Variants in MAML2 observed in about 807,000 individuals in gnomAD.
MAML2 encodes mastermind-like protein 2.
In MAML2, 22 loss-of-function variants were observed where a neutral mutation model predicts 96.1. The ratio of observed to expected loss-of-function variants is 0.23; its 90% CI spans 0.16 to 0.33. MAML2 has a LOEUF of 0.33. MAML2 is among the 10% of genes least tolerant of loss of function. The pLI, the probability that MAML2 is intolerant of heterozygous loss-of-function variation, is 1.00. For missense variants in MAML2, 1,367 were observed against 1,392.4 expected (o/e 0.98, Z 0.29); for synonymous variants, 561 against 521.3 (o/e 1.08, Z -1.04).
In MAML2 at chr11:96,093,097, C is replaced by T. The variant is rs758109905; in HGVS notation, c.934G>A (p.Glu312Lys). The change falls in exon 2 of 5, where the codon GAA becomes AAA. Residue 312 changes from glutamate to lysine, a missense_variant. By Grantham distance (56) the Glu-to-Lys change is moderately conservative. Coordinates refer to ENST00000524717, the MANE Select transcript of MAML2 (RefSeq NM_032427.4). ...GGAGGCACAGATATGTTGGTCAGTT[C>T]ATTGAACAGTTCCTGCAGCTCAGGA... ...MDPELQELFNELTNISVPPMS... is the reference protein window; with the variant it reads ...MDPELQELFNKLTNISVPPMS... 6.2e-7 allele frequency: 1 copy of T among 1,614,002 alleles called. No homozygotes were observed. Among genetic ancestry groups the T allele is most frequent in the South Asian group, 1.1e-5 (1 of 91,058 alleles).
Position 95,978,051 on chromosome 11 carries a change from G to A in MAML2, c.*897C>T, listed in dbSNP as rs189353845. On this transcript the variant is annotated 3_prime_UTR_variant, in exon 5 of 5. Transcript: ENST00000524717. ...CGAGGTTCAATTTCACTCAGCTTGG[G>A]AACAAACCAGCAGGCATCAATCATA... The A allele has an allele frequency of 1.4e-5, 3 of 218,666 alleles. No homozygotes were observed. In the Admixed American group the frequency reaches 1.7e-4, roughly 13 times the overall value. 13.5% of individuals were successfully genotyped at this position (218,666 alleles called of 1,614,324 possible). A position where few individuals can be genotyped will look rare whatever the true frequency, so the allele number is the denominator to read the frequency against.
chr11:96,098,473 T>G (rs1859870258), intron 1 of MAML2, among the ~76,000 whole-genome samples: 1 of 152,234 alleles, frequency 6.6e-6, no homozygotes, highest in African/African-American at 2.4e-5. Flanking sequence ...TTACGTTTAA[T>G]TCATGAGACT....
intron 1 of MAML2, among the ~76,000 whole-genome samples, chr11:96,255,691 C>T (rs1240994100): frequency 6.6e-6 from 1 of 152,100 alleles, no homozygotes; most frequent in Non-Finnish European, 1.5e-5. Context: ...GTGCCTGGGG[C>T]TGCAGCCGCC....
intron 1 of MAML2, among the ~76,000 whole-genome samples, chr11:96,161,024 A>G (rs1427813497): frequency 6.6e-6 from 1 of 152,230 alleles, no homozygotes; most frequent in Non-Finnish European, 1.5e-5. Flanking sequence ...CTTTCCCTGA[A>G]TATCAGTGAC....
intron 1 of MAML2, among the ~76,000 whole-genome samples, chr11:96,173,604 C>T (rs776695036): frequency 2.0e-5 from 3 of 152,126 alleles, no homozygotes; most frequent in African/African-American, 4.8e-5. Context: ...CAGAATAACT[C>T]GTAAGAGGAA....
intron 3 of MAML2, among the ~76,000 whole-genome samples, chr11:95,988,419 C>T (rs1466202693): frequency 6.6e-6 from 1 of 151,286 alleles, no homozygotes; most frequent in African/African-American, 2.4e-5. Context: ...CCATCATGCC[C>T]AGCTAATTTT....
intron 1 of MAML2, among the ~76,000 whole-genome samples, chr11:96,112,218 A>G (rs1425426771): frequency 1.3e-5 from 2 of 152,282 alleles, no homozygotes; most frequent in African/African-American, 4.8e-5. Context: ...CCAACCAAAC[A>G]ATTTCATAGT....
chr11:96,166,191 A>T (rs1246805165), intron 1 of MAML2, among the ~76,000 whole-genome samples: 8 of 150,610 alleles, frequency 5.3e-5, no homozygotes, highest in Non-Finnish European at 1.2e-4. Flanking sequence ...ACACACACAC[A>T]CACACACACA....
intron 1 of MAML2, among the ~76,000 whole-genome samples, chr11:96,226,686 A>G (rs511944): frequency 0.94 from 143,070 of 152,228 alleles, 67,437 homozygotes; most frequent in African/African-American, 0.98. Context: ...ATTTTTACAG[A>G]CAGTGTCAAT....
chr11:96,341,726 C>A lies in MAML2; in HGVS notation c.170G>T (p.Arg57Leu). The A allele has an allele frequency of 1.2e-6, 2 of 1,612,906 alleles. No individual in the cohort carries two copies. The highest frequency in any genetic ancestry group is 1.1e-5 in the South Asian group (1 of 90,756). Reference sequence around the variant, plus strand: ...GCTCTCGGCCCTACCTCGTTCATATCGTCCTTCACAGCTCAGGTGGTGTTG... The same window carrying A: ...GCTCTCGGCCCTACCTCGTTCATATAGTCCTTCACAGCTCAGGTGGTGTTG... ...CRQHHLSCEG[R>L]YERGRAESSD... is the part of the protein sequence containing the mutation. Residue 57 changes from arginine to leucine, a missense_variant, in exon 1 of 5, where the codon CGA (arginine) becomes CTA (leucine). Coordinates refer to ENST00000524717, the MANE Select transcript of MAML2 (RefSeq NM_032427.4).
At chr11:96,214,130 T>C (rs1177745385) in intron 1 of MAML2, among the ~76,000 whole-genome samples, 1 of 152,238 alleles carries the variant, frequency 6.6e-6, no homozygotes, top group African/African-American at 2.4e-5. Context: ...CTCCTATTAT[T>C]GATGCTCAGA....
At chr11:96,176,711 A>C (rs975021393) in intron 1 of MAML2, among the ~76,000 whole-genome samples, 1 of 152,168 alleles carries the variant, frequency 6.6e-6, no homozygotes, top group Non-Finnish European at 1.5e-5. Context: ...AAATGGCATC[A>C]AGGGCTCCTA....
intron 1 of MAML2, among the ~76,000 whole-genome samples, chr11:96,257,903 G>T (rs1193291394): frequency 1.3e-5 from 2 of 152,184 alleles, no homozygotes; most frequent in Non-Finnish European, 2.9e-5. Flanking sequence ...AAGAATAAAA[G>T]TCTGATTCCC....
intron 1 of MAML2, among the ~76,000 whole-genome samples, chr11:96,302,154 A>C (rs1222617078): frequency 6.6e-6 from 1 of 152,198 alleles, no homozygotes; most frequent in East Asian, 1.9e-4. Context: ...AGTGTTAAAG[A>C]CACATATTTG....
chr11:96,130,801 TTTC>T (rs1860535543), intron 1 of MAML2, among the ~76,000 whole-genome samples: 1 of 152,126 alleles, frequency 6.6e-6, no homozygotes, highest in African/African-American at 2.4e-5. Flanking sequence ...AAAACGTTAT[TTTC>T]TTTTCTTTAA....
intron 1 of MAML2, among the ~76,000 whole-genome samples, chr11:96,148,546 G>A (rs1051767320): frequency 1.3e-5 from 2 of 151,718 alleles, no homozygotes; most frequent in East Asian, 1.9e-4. Flanking sequence ...GTGCCTACCC[G>A]CCTGAAGCTG....
intron 2 of MAML2, among the ~76,000 whole-genome samples, chr11:96,009,409 G>C (rs1858233867): frequency 6.6e-6 from 1 of 152,080 alleles, no homozygotes; most frequent in Non-Finnish European, 1.5e-5. Context: ...ATTTAACTGG[G>C]TCCTGGTCAT....
intron 1 of MAML2, among the ~76,000 whole-genome samples, chr11:96,163,857 T>C (rs1565234229): frequency 1.9e-5 from 2 of 102,872 alleles, no homozygotes; most frequent in Non-Finnish European, 3.6e-5. Flanking sequence ...TTTCTTTCTC[T>C]CTTTCTTTTT....
intron 1 of MAML2, among the ~76,000 whole-genome samples, chr11:96,283,327 C>G (rs372577025): frequency 6.6e-6 from 1 of 152,178 alleles, no homozygotes; most frequent in African/African-American, 2.4e-5. Context: ...TAAGGGCACT[C>G]ACTCTTTAGC....
Sources: gnomAD v4.1 joint callset for allele counts (sites outside exome capture counted in the v4.1 genomes callset) on GRCh38, gnomAD v4.1.1 for gene constraint, MANE v1.5 for transcripts, NCBI Gene and HGNC (gene_info 2026-07-23, HGNC 2026-07-21) for gene names.